Variants in KLHDC10 observed in about 807,000 individuals in gnomAD.
KLHDC10 encodes kelch domain containing 10.
In KLHDC10, 24 loss-of-function variants were observed where a neutral mutation model predicts 56.1. The observed-to-expected ratio is 0.43, with a 90% CI of 0.31 to 0.60. KLHDC10 has a LOEUF of 0.60. KLHDC10 is among the 20% of genes least tolerant of loss of function. The pLI, the probability that KLHDC10 is intolerant of heterozygous loss-of-function variation, is 0.11. For missense variants in KLHDC10, 349 were observed against 567.0 expected, an observed-to-expected ratio of 0.62 and a Z score of 3.91; for synonymous variants, 188 against 207.1, an observed-to-expected ratio of 0.91 and a Z score of 0.79.
chr7:130,097,109 C>A, intron 2 of KLHDC10, 102 bp downstream of exon 2: 2 of 724,464 alleles, frequency 2.8e-6, no homozygotes, highest in Admixed American at 2.7e-5. Flanking sequence ...ATCATCTAAA[C>A]AGCTAATGAA....
chr7:130,085,833 C>CAAAAAAAAAAAAAAAAAAAAAAATAAAA (rs1563097827), intron 1 of KLHDC10, among the ~76,000 whole-genome samples: 1 of 86,308 alleles, frequency 1.2e-5, no homozygotes, highest in Non-Finnish European at 2.3e-5. Flanking sequence ...GACTCTTTCT[C>CAAAAAAAAAAAAAAAAAAAAAAATAAAA]AAAAAAAAAA....
In KLHDC10 at chr7:130,130,697, A is replaced by G. The variant is rs200992341; in HGVS notation, c.1280A>G (p.Gln427Arg). The part of the protein sequence containing the change: ...FPNLANLSRT[Q>R]LLHLGLTQGL... ...AACCTTGCAAACCTCTCCCGAACAC[A>G]ACTTCTGCACCTTGGACTCACACAG... The change falls in exon 10 of 10, where the codon CAA (glutamine) becomes CGA (arginine). Residue 427 changes from glutamine (Q) to arginine (R), a missense_variant. Gln to Arg is a conservative substitution (Grantham distance 43). Around this residue, in one of 2 missense-constraint regions of KLHDC10, gnomAD observed 245 missense variants for 470.1 expected, o/e 0.52. Transcript: ENST00000335420. This position sits in a 1 kb window ranked among gnomAD's most constrained non-coding sequence, Gnocchi z 4.2. 4 of 1,613,984 alleles carry G rather than the reference A, an allele frequency of 2.5e-6. No individual in the cohort carries two copies. The highest frequency in any genetic ancestry group is 3.4e-6 in the Non-Finnish European group (4 of 1,180,026).
chr7:130,132,309 A>G lies in KLHDC10; in HGVS notation c.*1563A>G, dbSNP rs1014149556. On this transcript the variant is annotated 3_prime_UTR_variant, in exon 10 of 10. Transcript: ENST00000335420. The stretch of plus-strand genomic sequence containing the variant: ...CTTTTTTCACCTAGCTTTTAAAGTT[A>G]TTCTTTGTCCTTCATCTCAGAAGGG... The G allele has an allele frequency of 6.6e-6, 1 of 152,122 alleles. No individual in the cohort carries two copies. The highest frequency in any genetic ancestry group is 1.5e-5 in the Non-Finnish European group (1 of 68,018). 9.4% of individuals were successfully genotyped at this position (152,122 alleles called of 1,614,324 possible). A position where few individuals can be genotyped will look rare whatever the true frequency, so the allele number is the denominator to read the frequency against.
chr7:130,106,081 G>A (rs906033137), intron 2 of KLHDC10, among the ~76,000 whole-genome samples: 2 of 152,092 alleles, frequency 1.3e-5, no homozygotes, highest in Admixed American at 6.6e-5. Context: ...CCTGGGAGGC[G>A]GAGGCAGTGA....
At chr7:130,122,234 T>C (rs770626225) in intron 5 of KLHDC10, 32 bp downstream of exon 5, 1 of 1,606,576 alleles carries the variant, frequency 6.2e-7, no homozygotes, top group South Asian at 1.1e-5. Flanking sequence ...ATATTTATTC[T>C]TTCGTGCTAA....
At chr7:130,072,602 C>T (rs183389311) in intron 1 of KLHDC10, among the ~76,000 whole-genome samples, 2 of 152,218 alleles carry the variant, frequency 1.3e-5, no homozygotes, top group East Asian at 3.9e-4. Flanking sequence ...TTCTTTCATA[C>T]CAATTCTTTA....
chr7:130,078,016 A>G (rs947978469), intron 1 of KLHDC10, among the ~76,000 whole-genome samples: 4 of 152,134 alleles, frequency 2.6e-5, no homozygotes, highest in African/African-American at 9.7e-5. Context: ...ATAGCTAAAT[A>G]ATCATATCAT....
At chr7:130,088,890 C>G (rs998368871) in intron 1 of KLHDC10, among the ~76,000 whole-genome samples, 2 of 152,080 alleles carry the variant, frequency 1.3e-5, no homozygotes, top group Admixed American at 6.6e-5. Flanking sequence ...TCCTTAGCCT[C>G]CCAAAATGCT....
chr7:130,087,358 A>G (rs1795705720), intron 1 of KLHDC10, among the ~76,000 whole-genome samples: 1 of 152,168 alleles, frequency 6.6e-6, no homozygotes, highest in African/African-American at 2.4e-5. Context: ...AGAATCCTTC[A>G]GTAGCTTCCT....
At chr7:130,124,036 C>T (rs1011874681) in intron 5 of KLHDC10, among the ~76,000 whole-genome samples, 2 of 152,154 alleles carry the variant, frequency 1.3e-5, no homozygotes, top group Admixed American at 1.3e-4. Flanking sequence ...ACAAAGTTAT[C>T]ACAAAAGATT....
intron 1 of KLHDC10, among the ~76,000 whole-genome samples, chr7:130,073,065 A>AT (rs1795441368): frequency 6.7e-6 from 1 of 148,418 alleles, no homozygotes; most frequent in Admixed American, 6.7e-5. Flanking sequence ...CAAATTTTTT[A>AT]TTTTTTTGAG....
At chr7:130,095,077 C>G (rs1308917322) in intron 1 of KLHDC10, 1 of 152,036 alleles carries the variant, frequency 6.6e-6, no homozygotes, top group African/African-American at 2.4e-5. Flanking sequence ...AGGGAAGTTT[C>G]TTATATATTT....
chr7:130,093,834 T>TGA (rs1200935822), intron 1 of KLHDC10, among the ~76,000 whole-genome samples: 2 of 152,124 alleles, frequency 1.3e-5, no homozygotes, highest in African/African-American at 2.4e-5. Flanking sequence ...TGCTGGTTGC[T>TGA]GAGAGAGAGA....
intron 2 of KLHDC10, among the ~76,000 whole-genome samples, chr7:130,106,146 C>CAAAATAAATAAAT (rs1309405086): frequency 1.4e-5 from 2 of 141,494 alleles, no homozygotes; most frequent in Non-Finnish European, 3.1e-5. Context: ...AACTCCGTCT[C>CAAAATAAATAAAT]AAAATAAATA....
chr7:130,130,499 T>C lies in KLHDC10; in HGVS notation c.1120-38T>C, dbSNP rs761097937. The stretch of plus-strand genomic sequence containing the variant: ...CTGAGTCTTCAGCCTTGTATGTTTC[T>C]CTCCCGTTTGAATTTGTCCTCTTTT... On this transcript the variant is annotated intron_variant, in intron 9 of 9. Transcript: ENST00000335420. The surrounding 1 kb of genome is among the most constrained non-coding windows in gnomAD (Gnocchi z 4.2). 1.0e-4 allele frequency: 159 copies of C among 1,537,330 alleles called. No homozygotes were observed. The highest frequency in any genetic ancestry group is 1.3e-4 in the Non-Finnish European group (143 of 1,110,244).
chr7:130,128,889 A>AAAAAAAAAAAAT, intron 8 of KLHDC10, among the ~76,000 whole-genome samples: 2 of 66,956 alleles, frequency 3.0e-5, no homozygotes, highest in Non-Finnish European at 5.5e-5. Context: ...AAAAAAAAAA[A>AAAAAAAAAAAAT]ATATATATAT....
chr7:130,107,512 A>T (rs1363576350), intron 2 of KLHDC10, among the ~76,000 whole-genome samples: 2 of 151,954 alleles, frequency 1.3e-5, no homozygotes, highest in Non-Finnish European at 2.9e-5. Flanking sequence ...ACTTAGAAAT[A>T]AAAAAACAAT....
chr7:130,089,045 C>T (rs1305657077), intron 1 of KLHDC10, among the ~76,000 whole-genome samples: 1 of 152,056 alleles, frequency 6.6e-6, no homozygotes, highest in Non-Finnish European at 1.5e-5. Context: ...GGCACATTCA[C>T]ATCGATACAT....
intron 5 of KLHDC10, among the ~76,000 whole-genome samples, chr7:130,122,711 G>A (rs947508106): frequency 2.0e-5 from 3 of 152,086 alleles, no homozygotes; most frequent in African/African-American, 4.8e-5. Context: ...GTGCCACCAC[G>A]TCTGGCTAAA....
Sources: gnomAD v4.1 joint callset for allele counts (sites outside exome capture counted in the v4.1 genomes callset) on GRCh38, gnomAD v4.1.1 for gene constraint, gnomAD v4.1.1 regional missense constraint, Gnocchi (gnomAD v3.1) non-coding constraint, MANE v1.5 for transcripts, NCBI Gene and HGNC (gene_info 2026-07-23, HGNC 2026-07-21) for gene names.